The following WDR72 variants were observed in gnomAD, a reference collection of about 807,000 sequenced individuals.
WDR72 encodes WD repeat-containing protein 72.
A neutral mutation model predicts 124.2 loss-of-function variants in WDR72; 120 were observed. The observed-to-expected ratio is 0.97, with a 90% CI of 0.83 to 1.12. The LOEUF (loss-of-function observed/expected upper bound fraction) is 1.12. WDR72 is among the 50% of genes most tolerant of loss of function. WDR72 has a pLI of 0.00. For missense variants in WDR72, 1,387 were observed against 1,278.8 expected, an observed-to-expected ratio of 1.08 and a Z score of -1.29; for synonymous variants, 452 against 441.7, an observed-to-expected ratio of 1.02 and a Z score of -0.29.
At chr15:53,653,493 C>A (rs1268163139) in intron 14 of WDR72, among the ~76,000 whole-genome samples, 1 of 152,126 alleles carries the variant, frequency 6.6e-6, no homozygotes, top group African/African-American at 2.4e-5. Flanking sequence ...AAAAGACTAA[C>A]ATCAGTGGAA....
intron 18 of WDR72, among the ~76,000 whole-genome samples, chr15:53,567,806 ATTT>A (rs1307092054): frequency 6.6e-6 from 1 of 151,870 alleles, no homozygotes; most frequent in Non-Finnish European, 1.5e-5. Context: ...TGTGTACCAG[ATTT>A]TTAAGTCAAA....
At position 53,615,411 on chromosome 15, in the gene WDR72, C is replaced by T; in HGVS notation, c.2780+15G>A. 6.3e-7 allele frequency: 1 copy of T among 1,581,162 alleles called. No individual in the cohort carries two copies. Among genetic ancestry groups the T allele is most frequent in the Non-Finnish European group, 8.7e-7 (1 of 1,154,074 alleles). ...TCATAATCTAGTATAGTCAAAATCTCTAGGTATGTCTTACCTGCCAACTCT... is the reference window on the plus strand; with the variant it reads ...TCATAATCTAGTATAGTCAAAATCTTTAGGTATGTCTTACCTGCCAACTCT... On this transcript the variant is annotated intron_variant, in intron 15 of 19. Transcript: ENST00000360509.
intron 15 of WDR72, among the ~76,000 whole-genome samples, chr15:53,614,627 T>C (rs1018786669): frequency 6.6e-6 from 1 of 152,080 alleles, no homozygotes; most frequent in Admixed American, 6.6e-5. Context: ...CTGTAATCTG[T>C]ACCAGGAATA....
rs943142950 is a variant in WDR72 at position 53,516,510 on chromosome 15, T to G, written c.*1189A>C. 2 of 151,972 alleles carry G rather than the reference T, an allele frequency of 1.3e-5. No homozygotes were observed. Among genetic ancestry groups the G allele is most frequent in the African/African-American group, 4.8e-5 (2 of 41,382 alleles). 9.4% of individuals were successfully genotyped at this position (151,972 alleles called of 1,614,324 possible). On this transcript the variant is annotated 3_prime_UTR_variant, in exon 20 of 20. Coordinates refer to ENST00000360509, the MANE Select transcript of WDR72 (RefSeq NM_182758.4). The stretch of plus-strand genomic sequence containing the variant: ...ATAGATATAGCTATATATCATATAT[T>G]TAATGCTTTATATCCCTTTTTCAAT...
intron 3 of WDR72, 26 bp downstream of exon 3, chr15:53,722,776 G>C (rs12443193): frequency 6.3e-7 from 1 of 1,595,764 alleles, no homozygotes; most frequent in South Asian, 1.1e-5. Context: ...ATGGAGAAGG[G>C]GACAAAGTTT....
At chr15:53,756,245 A>C (rs2018901787) in intron 1 of WDR72, among the ~76,000 whole-genome samples, 1 of 152,130 alleles carries the variant, frequency 6.6e-6, no homozygotes, top group Admixed American at 6.5e-5. Context: ...ATGGTTTCAT[A>C]AGGGGCTTCC....
intron 9 of WDR72, among the ~76,000 whole-genome samples, chr15:53,706,740 A>ATAGTTGAACTGAAGTACATTTG (rs1376969109): frequency 1.3e-5 from 2 of 151,990 alleles, no homozygotes; most frequent in Non-Finnish European, 2.9e-5. Flanking sequence ...CTATTTTCAG[A>ATAGTTGAACTGAAGTACATTTG]TTGAACATAC....
intron 17 of WDR72, among the ~76,000 whole-genome samples, chr15:53,601,058 C>A (rs2013023062): frequency 6.6e-6 from 1 of 151,974 alleles, no homozygotes; most frequent in African/African-American, 2.4e-5. Context: ...CAAAAGTATT[C>A]CATTTAACTA....
intron 14 of WDR72, among the ~76,000 whole-genome samples, chr15:53,662,820 C>A (rs1348436409): frequency 6.6e-6 from 1 of 152,064 alleles, no homozygotes; most frequent in Non-Finnish European, 1.5e-5. Context: ...ACACCAGAGA[C>A]TCAGGAGGCT....
chr15:53,567,226 G>A (rs1894333934), intron 18 of WDR72, among the ~76,000 whole-genome samples: 1 of 151,988 alleles, frequency 6.6e-6, no homozygotes. Flanking sequence ...AATCCTTCCA[G>A]GAGTCCTCTA....
chr15:53,739,339 G>A (rs2018444653), intron 1 of WDR72, among the ~76,000 whole-genome samples: 2 of 152,138 alleles, frequency 1.3e-5, no homozygotes, highest in South Asian at 4.1e-4. Context: ...GAGCAAATTG[G>A]CCTACATCTC....
chr15:53,644,156 T>C (rs913152554), intron 14 of WDR72, among the ~76,000 whole-genome samples: 46 of 152,154 alleles, frequency 3.0e-4, no homozygotes, highest in African/African-American at 9.2e-4. Context: ...AGGGTATCCA[T>C]ATTTTAGATA....
intron 14 of WDR72, among the ~76,000 whole-genome samples, chr15:53,644,647 C>T (rs1006523210): frequency 6.6e-6 from 1 of 152,074 alleles, no homozygotes; most frequent in Non-Finnish European, 1.5e-5. Context: ...GTAAATCGAA[C>T]AGCAAGGTGT....
chr15:53,647,681 C>T (rs2015090186), intron 14 of WDR72, among the ~76,000 whole-genome samples: 1 of 152,066 alleles, frequency 6.6e-6, no homozygotes, highest in African/African-American at 2.4e-5. Flanking sequence ...AGCAGAGACC[C>T]CTTCTGACCC....
intron 13 of WDR72, among the ~76,000 whole-genome samples, chr15:53,672,436 A>T (rs565667678): frequency 1.3e-5 from 2 of 152,312 alleles, no homozygotes; most frequent in East Asian, 3.9e-4. Context: ...GTAAATCAGT[A>T]TGTTGCTAAA....
At chr15:53,696,515 G>A (rs967483970) in intron 13 of WDR72, among the ~76,000 whole-genome samples, 4 of 152,136 alleles carry the variant, frequency 2.6e-5, no homozygotes, top group African/African-American at 7.2e-5. Context: ...TTTATCATTC[G>A]TGTGCCAGGC....
Position 53,722,924 on chromosome 15 carries a change from G to GT in WDR72, c.154-17dup. The GT allele has an allele frequency of 1.9e-6, 3 of 1,600,876 alleles. No homozygotes were observed. Among genetic ancestry groups the GT allele is most frequent in the Non-Finnish European group, 1.7e-6 (2 of 1,168,164 alleles). On this transcript the variant is annotated splice_polypyrimidine_tract_variant and intron_variant, in intron 2 of 19. Coordinates refer to ENST00000360509, the MANE Select transcript of WDR72 (RefSeq NM_182758.4). Reference sequence around the variant, plus strand: ...TCGCTGAAATCTGAAAATAATGAGAGTGAGCTTTTAAATAATTGTAAACTG... The same window carrying GT: ...TCGCTGAAATCTGAAAATAATGAGAGTTGAGCTTTTAAATAATTGTAAACTG...
chr15:53,612,258 C>T (rs1418454873), intron 16 of WDR72, among the ~76,000 whole-genome samples: 1 of 152,088 alleles, frequency 6.6e-6, no homozygotes, highest in African/African-American at 2.4e-5. Context: ...AGGGACACAG[C>T]AATGAATAAA....
In WDR72 at chr15:53,699,112, A is replaced by G. The variant is rs183640386; in HGVS notation, c.1765+638T>C. On this transcript the variant is annotated intron_variant, in intron 13 of 19. Transcript: ENST00000360509. ...AAAAATCATGCTACAGTTTCAGTGAAATGTACTCTCAAACGAACTCCCCTG... is the reference window on the plus strand; with the variant it reads ...AAAAATCATGCTACAGTTTCAGTGAGATGTACTCTCAAACGAACTCCCCTG... Among the ~76,000 whole-genome samples, 42 of 152,304 alleles carry G rather than the reference A, an allele frequency of 2.8e-4. 1 individual carries two copies. Among genetic ancestry groups the G allele is most frequent in the African/African-American group, 1.0e-3 (42 of 41,576 alleles).
Sources: allele counts gnomAD v4.1 joint callset (sites outside exome capture counted in the v4.1 genomes callset), GRCh38; gene constraint gnomAD v4.1.1; transcripts MANE v1.5; gene names NCBI Gene and HGNC (gene_info 2026-07-23, HGNC 2026-07-21).